IL1RAPL1: variants seen among roughly 807,000 people sequenced by gnomAD.
IL1RAPL1 encodes interleukin-1 receptor accessory protein-like 1.
A neutral mutation model predicts 48.4 loss-of-function variants in IL1RAPL1; 3 were observed. The ratio of observed to expected loss-of-function variants is 0.06; its 90% confidence interval spans 0.03 to 0.16. The LOEUF (loss-of-function observed/expected upper bound fraction) is 0.16. Among genes scored for constraint, IL1RAPL1 ranks in the 10% least tolerant of loss-of-function variants. The probability of loss-of-function intolerance (pLI) is 1.00; values close to 1 mark genes in which losing one functional copy is unlikely to be tolerated. For synonymous variants in IL1RAPL1, 185 were observed against 187.7 expected (o/e 0.99, Z 0.12); for missense variants, 349 against 530.6 (o/e 0.66, Z 3.36).
At chrX:29,665,945 A>C (rs771974059) in intron 5 of IL1RAPL1, among the ~76,000 whole-genome samples, 84 of 111,439 alleles carry the variant, frequency 7.5e-4, no homozygotes, top group African/African-American at 2.4e-3. Flanking sequence ...AGAATTTTCC[A>C]AGGAGCACAT....
At chrX:28,694,492 CAT>C (rs2146926865) in intron 1 of IL1RAPL1, among the ~76,000 whole-genome samples, 1 of 112,035 alleles carries the variant, frequency 8.9e-6, no homozygotes, top group South Asian at 3.7e-4. Flanking sequence ...CAGGTCAACA[CAT>C]AGGCAGTGTG....
intron 2 of IL1RAPL1, among the ~76,000 whole-genome samples, chrX:29,142,814 C>T (rs991363525): frequency 1.8e-5 from 2 of 109,793 alleles, no homozygotes; most frequent in Admixed American, 9.7e-5. Context: ...AATTCTTGTG[C>T]CTCAGCCTCC....
chrX:28,853,401 C>A (rs1258630606), intron 2 of IL1RAPL1, among the ~76,000 whole-genome samples: 1 of 108,693 alleles, frequency 9.2e-6, no homozygotes, highest in Admixed American at 9.9e-5. Flanking sequence ...GGAGCAGGGC[C>A]AAGGTTAATA....
At chrX:29,009,566 A>G (rs1926075374) in intron 2 of IL1RAPL1, among the ~76,000 whole-genome samples, 1 of 111,599 alleles carries the variant, frequency 9.0e-6, no homozygotes, top group African/African-American at 3.3e-5. Flanking sequence ...AGATTGCTGT[A>G]GGCATGTGAC....
At chrX:29,928,502 A>G (rs1932911873) in intron 8 of IL1RAPL1, among the ~76,000 whole-genome samples, 1 of 112,149 alleles carries the variant, frequency 8.9e-6, no homozygotes, top group African/African-American at 3.2e-5. Flanking sequence ...ACTTCACTGC[A>G]GGCTGCTTAA....
At chrX:29,722,122 T>C (rs1025575148) in intron 6 of IL1RAPL1, among the ~76,000 whole-genome samples, 4 of 111,801 alleles carry the variant, frequency 3.6e-5, no homozygotes, top group African/African-American at 9.8e-5. Flanking sequence ...ATGTACATAG[T>C]GAAATGATCA....
rs1341765464 is a variant in IL1RAPL1 at position 29,671,547 on chromosome X, T to C, written c.778+3043T>C. 5.3e-5 allele frequency among the ~76,000 whole-genome samples: 6 copies of C among 112,548 alleles called. 1 individual carries two copies. In the Admixed American group the frequency reaches 5.6e-4, roughly 11 times the overall value. On this transcript the variant is annotated intron_variant, in intron 6 of 10. Transcript: ENST00000378993. ...ATGTAAAAAAAAGAACACTGTCCAT[T>C]TACATAACTTTCAGGCATCAGCAAA...
At chrX:29,694,523 A>G (rs768396158) in intron 6 of IL1RAPL1, among the ~76,000 whole-genome samples, 1 of 111,378 alleles carries the variant, frequency 9.0e-6, no homozygotes, top group South Asian at 3.8e-4. Context: ...ATAATAAAAT[A>G]CCATAGACTG....
chrX:29,212,446 T>C (rs1930787704), intron 2 of IL1RAPL1, among the ~76,000 whole-genome samples: 1 of 111,215 alleles, frequency 9.0e-6, no homozygotes, highest in Admixed American at 9.6e-5. Context: ...GTAGCCAGAA[T>C]TACAGGCGCC....
At chrX:28,712,334 CT>C (rs1935450848) in intron 1 of IL1RAPL1, among the ~76,000 whole-genome samples, 1 of 110,543 alleles carries the variant, frequency 9.0e-6, no homozygotes, top group Admixed American at 9.7e-5. Flanking sequence ...GATATTTTCA[CT>C]GGATATAAGA....
intron 1 of IL1RAPL1, among the ~76,000 whole-genome samples, chrX:28,688,535 C>T (rs190932415): frequency 8.9e-6 from 1 of 111,885 alleles, no homozygotes; most frequent in African/African-American, 3.2e-5. Context: ...TTTAACTAGA[C>T]ATTACCACTT....
chrX:29,110,305 T>C (rs1928535556), intron 2 of IL1RAPL1, among the ~76,000 whole-genome samples: 2 of 112,219 alleles, frequency 1.8e-5, no homozygotes, highest in Non-Finnish European at 3.8e-5. Flanking sequence ...TTACTTTTAC[T>C]GGTTCGAATA....
chrX:28,630,101 A>G (rs1354928864), intron 1 of IL1RAPL1, among the ~76,000 whole-genome samples: 1 of 111,432 alleles, frequency 9.0e-6, no homozygotes, highest in Non-Finnish European at 1.9e-5. Flanking sequence ...ACTGCAGGAG[A>G]AAAGCCATAA....
intron 1 of IL1RAPL1, among the ~76,000 whole-genome samples, chrX:28,669,090 A>G (rs955870662): frequency 2.8e-4 from 31 of 111,459 alleles, no homozygotes; most frequent in African/African-American, 9.1e-4. Flanking sequence ...ATGTTGAACA[A>G]AGATGGACTT....
chrX:28,918,190 T>C (rs1923533294), intron 2 of IL1RAPL1, among the ~76,000 whole-genome samples: 1 of 112,296 alleles, frequency 8.9e-6, no homozygotes, highest in Non-Finnish European at 1.9e-5. Flanking sequence ...AGAAACACTA[T>C]TAGTCACTAT....
chrX:29,369,789 A>T (rs2075744305), intron 3 of IL1RAPL1: 1 of 112,091 alleles, frequency 8.9e-6, no homozygotes, highest in Non-Finnish European at 1.9e-5. Context: ...GAGAAGATGT[A>T]GAATATCTCT....
At chrX:29,800,772 G>T (rs1032290700) in intron 6 of IL1RAPL1, among the ~76,000 whole-genome samples, 2 of 98,268 alleles carry the variant, frequency 2.0e-5, no homozygotes, top group African/African-American at 7.5e-5. Flanking sequence ...ATCACCTGAC[G>T]TCAGGAGTTC....
At chrX:29,778,881 A>C (rs949352578) in intron 6 of IL1RAPL1, among the ~76,000 whole-genome samples, 1 of 111,976 alleles carries the variant, frequency 8.9e-6, no homozygotes, top group Non-Finnish European at 1.9e-5. Context: ...ATTGTACAGG[A>C]GAGATAATTT....
At chrX:29,879,184 T>A (rs1931970864) in intron 6 of IL1RAPL1, among the ~76,000 whole-genome samples, 2 of 110,791 alleles carry the variant, frequency 1.8e-5, no homozygotes, top group Admixed American at 1.9e-4. Flanking sequence ...ATAATTCCAT[T>A]TATATGACAT....
Sources: gnomAD v4.1 joint callset for allele counts (sites outside exome capture counted in the v4.1 genomes callset) on GRCh38, gnomAD v4.1.1 for gene constraint, MANE v1.5 for transcripts, NCBI Gene and HGNC (gene_info 2026-07-23, HGNC 2026-07-21) for gene names.